HCN1: variants seen among roughly 807,000 people sequenced by gnomAD.
The protein encoded by HCN1 is potassium/sodium hyperpolarization-activated cyclic nucleotide-gated channel 1.
In HCN1, 13 loss-of-function variants were observed where a neutral mutation model predicts 78.9. That is an observed-to-expected ratio of 0.16 (90% CI 0.11 to 0.26). The LOEUF (loss-of-function observed/expected upper bound fraction) is 0.26. HCN1 is among the 10% of genes least tolerant of loss of function. The probability of loss-of-function intolerance (pLI) is 1.00; values close to 1 mark genes in which losing one functional copy is unlikely to be tolerated. For missense variants in HCN1, 810 were observed against 1,154.3 expected (o/e 0.70, Z 4.32); for synonymous variants, 552 against 455.5 (o/e 1.21, Z -2.70).
At chr5:45,275,436 A>G (rs1487543519) in intron 6 of HCN1, among the ~76,000 whole-genome samples, 2 of 152,142 alleles carry the variant, frequency 1.3e-5, no homozygotes, top group Non-Finnish European at 2.9e-5. Context: ...GGTTCCTACT[A>G]ATCATAAACA....
In HCN1 at chr5:45,430,349, T is replaced by C. The variant is rs374290236; in HGVS notation, c.1011+31497A>G. ...GTTTGTTATATAGGTAAACTGTGTGTCTTAGGGGTTTGGTGTACAGATTAT... is the reference window on the plus strand; with the variant it reads ...GTTTGTTATATAGGTAAACTGTGTGCCTTAGGGGTTTGGTGTACAGATTAT... On this transcript the variant is annotated intron_variant, in intron 3 of 7. Coordinates refer to ENST00000303230, the MANE Select transcript of HCN1 (RefSeq NM_021072.4). 1.6e-4 allele frequency among the ~76,000 whole-genome samples: 25 copies of C among 152,176 alleles called. 2 individuals are homozygous for C. Among genetic ancestry groups the C allele is most frequent in the African/African-American group, 5.8e-4 (24 of 41,528 alleles).
At chr5:45,667,382 C>T (rs1218852650) in intron 1 of HCN1, among the ~76,000 whole-genome samples, 1 of 151,900 alleles carries the variant, frequency 6.6e-6, no homozygotes, top group African/African-American at 2.4e-5. Flanking sequence ...CTATACTATT[C>T]ATTCTTTGAG....
At chr5:45,581,600 C>G (rs1744074042) in intron 2 of HCN1, among the ~76,000 whole-genome samples, 1 of 152,118 alleles carries the variant, frequency 6.6e-6, no homozygotes. Context: ...TTGCCCATGC[C>G]TATGTCCTGA....
chr5:45,642,706 T>A (rs1423282860), intron 2 of HCN1: 1 of 152,200 alleles, frequency 6.6e-6, no homozygotes, highest in Non-Finnish European at 1.5e-5. Flanking sequence ...TTATTTGTTG[T>A]ATTTTTACTT....
chr5:45,528,749 G>A lies in HCN1; in HGVS notation c.850-66742C>T, dbSNP rs143604594. The stretch of plus-strand genomic sequence containing the variant: ...ACTATCTTCAAAATCTATGAACTCT[G>A]ACAAGATAATTCTTCCAAAATGTCT... On this transcript the variant is annotated intron_variant, in intron 2 of 7. Coordinates refer to ENST00000303230, the MANE Select transcript of HCN1 (RefSeq NM_021072.4). Among the ~76,000 whole-genome samples the A allele has an allele frequency of 2.0e-5, 3 of 152,048 alleles. No individual in the cohort carries two copies. The East Asian group carries it at 5.8e-4, about 29-fold the overall frequency.
At chr5:45,470,629 C>A (rs2111649609) in intron 2 of HCN1, among the ~76,000 whole-genome samples, 1 of 152,032 alleles carries the variant, frequency 6.6e-6, no homozygotes, top group Non-Finnish European at 1.5e-5. Context: ...ACTTAACTAT[C>A]TGAATTGTCG....
chr5:45,515,439 G>C (rs1288049000), intron 2 of HCN1, among the ~76,000 whole-genome samples: 2 of 151,902 alleles, frequency 1.3e-5, no homozygotes, highest in Non-Finnish European at 2.9e-5. Flanking sequence ...TGATGTCTTA[G>C]AGAAACATGA....
At chr5:45,338,378 T>C (rs1746507575) in intron 5 of HCN1, among the ~76,000 whole-genome samples, 1 of 152,172 alleles carries the variant, frequency 6.6e-6, no homozygotes, top group Non-Finnish European at 1.5e-5. Context: ...TTTAATGAAG[T>C]ATTTTAGGTT....
intron 4 of HCN1, among the ~76,000 whole-genome samples, chr5:45,373,913 C>CATCTATAATATATTACATAT (rs1747506017): frequency 8.0e-6 from 1 of 125,694 alleles, no homozygotes; most frequent in African/African-American, 3.0e-5. Context: ...ATATTACATA[C>CATCTATAATATATTACATAT]GGTATATACA....
At chr5:45,502,861 G>A (rs887585914) in intron 2 of HCN1, among the ~76,000 whole-genome samples, 2 of 152,062 alleles carry the variant, frequency 1.3e-5, no homozygotes, top group Non-Finnish European at 2.9e-5. Flanking sequence ...TTAACGTCCT[G>A]CATTGAGGAA....
chr5:45,683,643 A>G (rs1470472262), intron 1 of HCN1, among the ~76,000 whole-genome samples: 1 of 151,552 alleles, frequency 6.6e-6, no homozygotes, highest in Non-Finnish European at 1.5e-5. Context: ...ATATATATAT[A>G]TATACACACA....
intron 5 of HCN1, among the ~76,000 whole-genome samples, chr5:45,314,495 G>T (rs564383302): frequency 6.6e-6 from 1 of 152,084 alleles, no homozygotes; most frequent in East Asian, 1.9e-4. Flanking sequence ...ATGACAGGAC[G>T]AAATTCACAT....
At chr5:45,615,803 G>T (rs947414130) in intron 2 of HCN1, among the ~76,000 whole-genome samples, 1 of 151,752 alleles carries the variant, frequency 6.6e-6, no homozygotes, top group Non-Finnish European at 1.5e-5. Flanking sequence ...GAGTATTATG[G>T]CCTGATCTCA....
intron 3 of HCN1, among the ~76,000 whole-genome samples, chr5:45,426,571 A>G (rs1215420742): frequency 6.6e-6 from 1 of 152,176 alleles, no homozygotes; most frequent in African/African-American, 2.4e-5. Context: ...CATGTAAGAC[A>G]TAACTTTGCT....
chr5:45,527,593 TC>T (rs1742761898), intron 2 of HCN1, among the ~76,000 whole-genome samples: 1 of 150,378 alleles, frequency 6.6e-6, no homozygotes, highest in South Asian at 2.1e-4. Flanking sequence ...TCATTCTCAT[TC>T]TCTCTCTCTT....
chr5:45,493,728 C>A (rs1455472257), intron 2 of HCN1, among the ~76,000 whole-genome samples: 1 of 151,276 alleles, frequency 6.6e-6, no homozygotes, highest in Non-Finnish European at 1.5e-5. Context: ...TTAGGTATAT[C>A]CCCCAATGCT....
At chr5:45,553,893 T>C (rs1743422674) in intron 2 of HCN1, among the ~76,000 whole-genome samples, 1 of 151,934 alleles carries the variant, frequency 6.6e-6, no homozygotes, top group South Asian at 2.1e-4. Flanking sequence ...GGGCCAACTG[T>C]ACCTGGAAGT....
chr5:45,664,842 CT>C (rs1408963466), intron 1 of HCN1, among the ~76,000 whole-genome samples: 1 of 151,948 alleles, frequency 6.6e-6, no homozygotes, highest in Non-Finnish European at 1.5e-5. Context: ...CACTTTTACA[CT>C]GTTGGTGGGA....
intron 5 of HCN1, among the ~76,000 whole-genome samples, chr5:45,310,261 T>G (rs919478213): frequency 3.3e-5 from 5 of 152,004 alleles, no homozygotes; most frequent in Non-Finnish European, 7.4e-5. Context: ...TTGTAAACTG[T>G]GTATCTGACA....
Sources: allele counts gnomAD v4.1 joint callset (sites outside exome capture counted in the v4.1 genomes callset), GRCh38; gene constraint gnomAD v4.1.1; transcripts MANE v1.5; gene names NCBI Gene and HGNC (gene_info 2026-07-23, HGNC 2026-07-21).